VWF: variants seen among roughly 807,000 people sequenced by gnomAD.
VWF encodes von Willebrand factor, also known as Factor VIII related antigen.
Under a neutral mutation model 308.6 loss-of-function variants are expected in VWF, and 176 were observed. The observed-to-expected ratio is 0.57, with a 90% CI of 0.50 to 0.65. The LOEUF (loss-of-function observed/expected upper bound fraction) is 0.65, where lower values mean the gene tolerates loss of function less well. Among genes scored for constraint, VWF ranks in the 30% least tolerant of loss-of-function variants. The pLI, the probability that VWF is intolerant of heterozygous loss-of-function variation, is 0.00. For synonymous variants in VWF, 1,385 were observed against 1,443.4 expected, an observed-to-expected ratio of 0.96 and a Z score of 0.92; for missense variants, 3,146 against 3,648.2, an observed-to-expected ratio of 0.86 and a Z score of 3.55.
intron 25 of VWF, among the ~76,000 whole-genome samples, chr12:6,023,305 T>C (rs961887791): frequency 2.6e-5 from 4 of 152,182 alleles, no homozygotes; most frequent in African/African-American, 9.7e-5. Context: ...TGATCACTCA[T>C]ATTGGCAAAT....
At chr12:6,053,081 C>T (rs1412790170) in intron 15 of VWF, among the ~76,000 whole-genome samples, 1 of 152,202 alleles carries the variant, frequency 6.6e-6, no homozygotes, top group Non-Finnish European at 1.5e-5. Flanking sequence ...TATGGGGGCA[C>T]ACATTTTCTC....
intron 38 of VWF, among the ~76,000 whole-genome samples, chr12:5,990,868 TAAAAAAAAAAAA>T (rs755717764): frequency 9.9e-4 from 31 of 31,428 alleles, no homozygotes; most frequent in Admixed American, 3.5e-3. Context: ...CCCATAGAGC[TAAAAAAAAAAAA>T]AAAAAAAAAA....
intron 43 of VWF, among the ~76,000 whole-genome samples, chr12:5,975,096 A>T (rs994823757): frequency 9.9e-5 from 15 of 152,238 alleles, no homozygotes; most frequent in African/African-American, 3.6e-4. Context: ...CCTGGATACC[A>T]CAGCGTCATC....
At chr12:6,047,476 C>G (rs952513837) in intron 16 of VWF, among the ~76,000 whole-genome samples, 18 of 152,324 alleles carry the variant, frequency 1.2e-4, no homozygotes, top group African/African-American at 4.1e-4. Flanking sequence ...CCAAGATCAT[C>G]CCTGCCACTG....
chr12:6,085,924 G>T (rs1173116875), intron 6 of VWF, among the ~76,000 whole-genome samples: 1 of 152,172 alleles, frequency 6.6e-6, no homozygotes, highest in Non-Finnish European at 1.5e-5. Flanking sequence ...TAAAGGCCAA[G>T]TTCAAGGGAA....
At chr12:6,052,519 CCT>C in intron 16 of VWF, 22 bp downstream of exon 16, 1 of 1,614,136 alleles carries the variant, frequency 6.2e-7, no homozygotes, top group Non-Finnish European at 8.5e-7. Context: ...TTTAGAGGTC[CCT>C]GACACTGCTG....
chr12:6,123,103 T>C (rs1354040192), intron 2 of VWF, 39 bp downstream of exon 2: 2 of 1,613,660 alleles, frequency 1.2e-6, no homozygotes, highest in Admixed American at 3.3e-5. Flanking sequence ...CAGATGGCCC[T>C]GGGGCAGGAA....
chr12:6,004,903 C>T (rs1295921205), intron 34 of VWF, among the ~76,000 whole-genome samples: 1 of 152,058 alleles, frequency 6.6e-6, no homozygotes, highest in Non-Finnish European at 1.5e-5. Context: ...CCTGAAAACA[C>T]TTCTAGAAGA....
intron 19 of VWF, 76 bp from the exon 20 acceptor site, chr12:6,034,902 G>A (rs1385899432): frequency 1.3e-6 from 2 of 1,578,970 alleles, no homozygotes; most frequent in Non-Finnish European, 1.7e-6. Context: ...TGGAGGCAAT[G>A]AAGGAACACA....
intron 6 of VWF, among the ~76,000 whole-genome samples, chr12:6,076,170 C>T (rs868274282): frequency 3.3e-5 from 5 of 152,236 alleles, no homozygotes; most frequent in Middle Eastern, 3.4e-3. Flanking sequence ...GTCCCAGACA[C>T]ACTGCAGCAA....
intron 10 of VWF, among the ~76,000 whole-genome samples, chr12:6,066,024 C>T (rs1198187464): frequency 3.9e-5 from 6 of 152,372 alleles, no homozygotes; most frequent in South Asian, 2.1e-4. Flanking sequence ...ACCTCGGCAG[C>T]GCCAGCTTCC....
chr12:6,051,816 T>C (rs1944517079), intron 16 of VWF, among the ~76,000 whole-genome samples: 1 of 152,126 alleles, frequency 6.6e-6, no homozygotes, highest in Non-Finnish European at 1.5e-5. Context: ...CTCACTATGT[T>C]GCCCAGGCTG....
rs770754230 is a variant in VWF, at chr12:6,064,256, G to A, written c.1422C>T (p.Pro474=). The change falls in exon 12 of 52, where the codon CCC becomes CCT. Residue 474 remains proline, a synonymous_variant. Coordinates refer to ENST00000261405, the MANE Select transcript of VWF (RefSeq NM_000552.5). ...VAMDGQDVQL[P]LLKGDLRIQH... The stretch of plus-strand genomic sequence containing the variant: ...CAGGACGAAGCATACCTTTCAGGAG[G>A]GGGAGCTGGACGTCCTGGCCATCCA... 2.4e-5 allele frequency: 39 copies of A among 1,614,040 alleles called. No homozygotes were observed. The highest frequency in any genetic ancestry group is 1.5e-4 in the Admixed American group (9 of 60,014).
intron 6 of VWF, among the ~76,000 whole-genome samples, chr12:6,092,236 G>A (rs1178328447): frequency 6.6e-6 from 1 of 152,168 alleles, no homozygotes; most frequent in East Asian, 1.9e-4. Flanking sequence ...TAGGATGGGA[G>A]GTTGAACACC....
intron 16 of VWF, among the ~76,000 whole-genome samples, chr12:6,050,784 C>T (rs771149653): frequency 6.6e-6 from 1 of 151,994 alleles, no homozygotes; most frequent in Non-Finnish European, 1.5e-5. Flanking sequence ...GGCGAAACCC[C>T]GTCTCTACTA....
chr12:5,961,849 T>C (rs1943320884), intron 47 of VWF, among the ~76,000 whole-genome samples: 1 of 151,942 alleles, frequency 6.6e-6, no homozygotes, highest in Non-Finnish European at 1.5e-5. Flanking sequence ...TGTGTGTCCC[T>C]ACAAAATTCC....
chr12:6,115,493 T>C (rs75389741), intron 3 of VWF, among the ~76,000 whole-genome samples: 4 of 152,262 alleles, frequency 2.6e-5, no homozygotes, highest in African/African-American at 9.6e-5. Context: ...CACACACACG[T>C]TTCATATCAT....
chr12:6,036,506 T>G lies in VWF; in HGVS notation c.2443-15A>C. Reference sequence around the variant, plus strand: ...TCATGCCGGACCTAAGAGAAAAGAATCCAAAAGTCCTCAGGGCCACAGTGA... The same window carrying G: ...TCATGCCGGACCTAAGAGAAAAGAAGCCAAAAGTCCTCAGGGCCACAGTGA... On this transcript the variant is annotated splice_polypyrimidine_tract_variant and intron_variant, in intron 18 of 51. Transcript: ENST00000261405. 1 of 1,612,928 alleles carries G rather than the reference T, an allele frequency of 6.2e-7. No individual in the cohort carries two copies. The highest frequency in any genetic ancestry group is 8.5e-7 in the Non-Finnish European group (1 of 1,179,016).
intron 16 of VWF, among the ~76,000 whole-genome samples, chr12:6,050,506 G>C (rs898969107): frequency 1.3e-5 from 2 of 152,144 alleles, no homozygotes; most frequent in Non-Finnish European, 2.9e-5. Flanking sequence ...TCCAGCATCA[G>C]TGCTCACCCC....
Sources: allele counts gnomAD v4.1 joint callset (sites outside exome capture counted in the v4.1 genomes callset), GRCh38; gene constraint gnomAD v4.1.1; transcripts MANE v1.5; gene names NCBI Gene and HGNC (gene_info 2026-07-23, HGNC 2026-07-21).